Variants in CCT5 observed in about 807,000 individuals in gnomAD.
CCT5 encodes the protein T-complex protein 1 subunit epsilon.
A neutral mutation model predicts 55.0 loss-of-function variants in CCT5; 6 were observed. That is an observed-to-expected ratio of 0.11 (90% CI 0.06 to 0.22). The LOEUF (loss-of-function observed/expected upper bound fraction) is 0.22, where lower values mean the gene tolerates loss of function less well. Among genes scored for constraint, CCT5 ranks in the 10% least tolerant of loss-of-function variants. The pLI, the probability that CCT5 is intolerant of heterozygous loss-of-function variation, is 1.00. For missense variants in CCT5, 560 were observed against 694.6 expected, an observed-to-expected ratio of 0.81 and a Z score of 2.18; for synonymous variants, 231 against 243.7, an observed-to-expected ratio of 0.95 and a Z score of 0.49.
At chr5:10,254,342 T>C in intron 2 of CCT5, 137 bp downstream of exon 2, 1 of 703,446 alleles carries the variant, frequency 1.4e-6, no homozygotes, top group East Asian at 2.7e-5. Context: ...TTTTAGTGTA[T>C]TTCAGGTTTC....
intron 6 of CCT5, among the ~76,000 whole-genome samples, chr5:10,259,010 G>A (rs899768462): frequency 6.6e-6 from 1 of 152,156 alleles, no homozygotes; most frequent in African/African-American, 2.4e-5. Context: ...ATGGTAGTGT[G>A]TTCAGGGTCC....
chr5:10,262,177 C>T, intron 8 of CCT5: 1 of 418,690 alleles, frequency 2.4e-6, no homozygotes, highest in South Asian at 2.1e-5. Context: ...AGTGAATAAC[C>T]ATTGACGATC....
Position 10,263,285 on chromosome 5 carries a change from G to C in CCT5, c.1469G>C (p.Gly490Ala). 5 of 1,613,994 alleles carry C rather than the reference G, an allele frequency of 3.1e-6. No individual in the cohort carries two copies. Among genetic ancestry groups the C allele is most frequent in the Non-Finnish European group, 4.2e-6 (5 of 1,179,994 alleles). ...GTGAAGGAGATGAACCCTGCTCTTGGCATCGACTGTTTGCACAAGGGGACA... is the reference window on the plus strand; with the variant it reads ...GTGAAGGAGATGAACCCTGCTCTTGCCATCGACTGTTTGCACAAGGGGACA... The part of the protein sequence containing the change: ...RQVKEMNPAL[G>A]IDCLHKGTND... The change falls in exon 10 of 11, where the codon GGC (glycine) becomes GCC (alanine). Residue 490 changes from glycine to alanine, a missense_variant. By Grantham distance (60) the Gly-to-Ala change is moderately conservative (BLOSUM62 0). This residue lies in a region of CCT5 where 115 missense variants were observed against 105.0 expected (regional missense o/e 1.10). Coordinates refer to ENST00000280326, the MANE Select transcript of CCT5 (RefSeq NM_012073.5).
rs371303627 is a variant in CCT5 at position 10,250,316 on chromosome 5, G to A, written c.-25G>A. ...TCCGTAGCGGTCTCCGCCGGTTGGG[G>A]GGAAGTAATTCCGGTTGTTGCACCA... On this transcript the variant is annotated 5_prime_UTR_variant, in exon 1 of 11. Coordinates refer to ENST00000280326, the MANE Select transcript of CCT5 (RefSeq NM_012073.5). The A allele has an allele frequency of 2.7e-5, 43 of 1,613,766 alleles. No individual in the cohort carries two copies. The highest frequency in any genetic ancestry group is 1.6e-4 in the Middle Eastern group (1 of 6,084).
At chr5:10,252,741 A>G (rs1561043809) in intron 1 of CCT5, among the ~76,000 whole-genome samples, 1 of 152,156 alleles carries the variant, frequency 6.6e-6, no homozygotes. Flanking sequence ...TTTATCCATA[A>G]TATGTATTAT....
At chr5:10,250,727 G>A (rs1745348448) in intron 1 of CCT5, 2 of 1,272,828 alleles carry the variant, frequency 1.6e-6, no homozygotes, top group Admixed American at 3.9e-5. Context: ...GAGCAAAGCG[G>A]GACCGCCTCC....
Position 10,260,473 on chromosome 5 carries a change from T to C in CCT5, c.874-319T>C, listed in dbSNP as rs1745903914. The stretch of plus-strand genomic sequence containing the variant: ...GACAGAGCTGTTAGCCATTTCCCCA[T>C]GGTTGGGGAAGGGTGTTAGCTTTGT... On this transcript the variant is annotated intron_variant, in intron 6 of 10. Transcript: ENST00000280326. 2.6e-5 allele frequency among the ~76,000 whole-genome samples: 4 copies of C among 152,222 alleles called. No individual in the cohort carries two copies. The South Asian group carries it at 8.3e-4, about 32-fold the overall frequency.
At chr5:10,257,230 A>G (rs1483066473) in intron 4 of CCT5, among the ~76,000 whole-genome samples, 2 of 152,224 alleles carry the variant, frequency 1.3e-5, no homozygotes, top group Non-Finnish European at 2.9e-5. Context: ...AGAAGCCTTC[A>G]GCAATGCCTG....
chr5:10,250,650 G>T (rs1162917979), intron 1 of CCT5: 9 of 1,418,378 alleles, frequency 6.3e-6, no homozygotes, highest in Non-Finnish European at 8.3e-6. Context: ...GAATGTGGGG[G>T]CCAGCCAGGC....
Position 10,256,107 on chromosome 5 carries a change from A to G in CCT5, c.484A>G (p.Thr162Ala), listed in dbSNP as rs748484897. 4 of 1,613,958 alleles carry G rather than the reference A, an allele frequency of 2.5e-6. No individual in the cohort carries two copies. In the South Asian group the frequency reaches 3.3e-5, roughly 13 times the overall value. ...TAGCGTCCTTGTTGACATAAAGGAC[A>G]CCGAACCCCTGATTCAGACAGCAAA... ...SDSVLVDIKD[T>A]EPLIQTAKTT... The change falls in exon 4 of 11, where the codon ACC becomes GCC. Residue 162 changes from threonine (T) to alanine (A), a missense_variant. Thr to Ala is a moderately conservative substitution (Grantham distance 58). Coordinates refer to ENST00000280326, the MANE Select transcript of CCT5 (RefSeq NM_012073.5).
chr5:10,259,377 A>C (rs1305686225), intron 6 of CCT5, among the ~76,000 whole-genome samples: 1 of 152,192 alleles, frequency 6.6e-6, no homozygotes, highest in Non-Finnish European at 1.5e-5. Context: ...ACTAGAGACT[A>C]TTTTCATGTC....
chr5:10,252,599 A>AGT (rs1401666297), intron 1 of CCT5, among the ~76,000 whole-genome samples: 1 of 129,618 alleles, frequency 7.7e-6, no homozygotes, highest in Non-Finnish European at 1.6e-5. Context: ...TGGGTGACAG[A>AGT]GTGAGACTCC....
Position 10,256,095 on chromosome 5 carries a change from G to A in CCT5, c.472G>A (p.Asp158Asn), listed in dbSNP as rs1336981943. 6.0e-5 allele frequency: 97 copies of A among 1,613,812 alleles called. No individual in the cohort carries two copies. Among genetic ancestry groups the A allele is most frequent in the Non-Finnish European group, 7.9e-5 (93 of 1,179,888 alleles). Residue 158 changes from aspartate (D) to asparagine (N), a missense_variant, in exon 4 of 11, where the codon GAC (aspartate) becomes AAC (asparagine). Transcript: ENST00000280326. ...CAAGATCAGCGATAGCGTCCTTGTT[G>A]ACATAAAGGACACCGAACCCCTGAT... ...LDKISDSVLVDIKDTEPLIQT... is the reference protein window; with the variant it reads ...LDKISDSVLVNIKDTEPLIQT...
At chr5:10,251,442 C>T (rs1021361224) in intron 1 of CCT5, among the ~76,000 whole-genome samples, 12 of 152,128 alleles carry the variant, frequency 7.9e-5, no homozygotes, top group African/African-American at 2.9e-4. Context: ...GAGGAAGGGA[C>T]ACTCCGAGAG....
chr5:10,251,365 G>T (rs1035282334), intron 1 of CCT5, among the ~76,000 whole-genome samples: 10 of 152,174 alleles, frequency 6.6e-5, no homozygotes, highest in African/African-American at 2.4e-4. Flanking sequence ...GACCAGAGGG[G>T]TTAAAGAAAC....
At position 10,261,645 on chromosome 5, in the gene CCT5, A is replaced by G. The variant is rs1344586481; in HGVS notation, c.1079A>G (p.Gln360Arg). 1 of 1,614,138 alleles carries G rather than the reference A, an allele frequency of 6.2e-7. No individual in the cohort carries two copies. Among genetic ancestry groups the G allele is most frequent in the Admixed American group, 1.7e-5 (1 of 60,024 alleles). Residue 360 changes from glutamine to arginine, a missense_variant, in exon 8 of 11, where the codon CAG becomes CGG. Coordinates refer to ENST00000280326, the MANE Select transcript of CCT5 (RefSeq NM_012073.5). ...AAGCTGGGCTTTGCTGGTCTTGTACAGGAGATCTCATTTGGGACAACTAAG... is the reference window on the plus strand; with the variant it reads ...AAGCTGGGCTTTGCTGGTCTTGTACGGGAGATCTCATTTGGGACAACTAAG... ...AEKLGFAGLV[Q>R]EISFGTTKDK...
Position 10,261,617 on chromosome 5 carries a change from G to T in CCT5, c.1051G>T (p.Glu351Ter). ...CCCCAGGTTCTCAGAGCTCACAGCCGAGAAGCTGGGCTTTGCTGGTCTTGT... is the reference window on the plus strand; with the variant it reads ...CCCCAGGTTCTCAGAGCTCACAGCCTAGAAGCTGGGCTTTGCTGGTCTTGT... ...IVPRFSELTA[E>*]KLGFAGLVQE... is the part of the protein sequence containing the mutation. Residue 351 changes from glutamate to a stop codon, truncating the protein, a stop_gained, in exon 8 of 11, where the codon GAG becomes TAG. Coordinates refer to ENST00000280326, the MANE Select transcript of CCT5 (RefSeq NM_012073.5). LOFTEE classifies it high-confidence loss of function. 1 of 1,614,166 alleles carries T rather than the reference G, an allele frequency of 6.2e-7. No individual in the cohort carries two copies. Among genetic ancestry groups the T allele is most frequent in the Non-Finnish European group, 8.5e-7 (1 of 1,180,034 alleles).
chr5:10,259,892 T>C (rs1745871952), intron 6 of CCT5, among the ~76,000 whole-genome samples: 1 of 151,958 alleles, frequency 6.6e-6, no homozygotes, highest in African/African-American at 2.4e-5. Flanking sequence ...GGCTAGATAG[T>C]AAAATGTTAA....
intron 6 of CCT5, 43 bp downstream of exon 6, chr5:10,258,578 G>T: frequency 6.4e-7 from 1 of 1,561,442 alleles, no homozygotes; most frequent in Non-Finnish European, 8.8e-7. Flanking sequence ...AACTCCCAAA[G>T]GGTACAGTTA....
Sources: gnomAD v4.1 joint callset for allele counts (sites outside exome capture counted in the v4.1 genomes callset) on GRCh38, gnomAD v4.1.1 for gene constraint, gnomAD v4.1.1 regional missense constraint, MANE v1.5 for transcripts, NCBI Gene and HGNC (gene_info 2026-07-23, HGNC 2026-07-21) for gene names.